Variants in STIM1 observed in about 807,000 individuals in gnomAD.
STIM1 encodes the protein stromal interaction molecule 1.
Under a neutral mutation model 74.7 loss-of-function variants are expected in STIM1, and 25 were observed. That is an observed-to-expected ratio of 0.33 (90% CI 0.24 to 0.47). The LOEUF is 0.47. Among genes scored for constraint, STIM1 ranks in the 20% least tolerant of loss-of-function variants. The probability of loss-of-function intolerance (pLI) is 1.00; values close to 1 mark genes in which losing one functional copy is unlikely to be tolerated. For missense variants in STIM1, 728 were observed against 920.8 expected (o/e 0.79, Z 2.71); for synonymous variants, 328 against 348.8 (o/e 0.94, Z 0.66).
At chr11:4,021,090 T>C (rs2093951675) in intron 2 of STIM1, among the ~76,000 whole-genome samples, 1 of 152,184 alleles carries the variant, frequency 6.6e-6, no homozygotes, top group Admixed American at 6.6e-5. Flanking sequence ...TTCCATTTTA[T>C]TTTGATTTAA....
At chr11:3,965,334 A>G (rs1410713280) in intron 1 of STIM1, among the ~76,000 whole-genome samples, 1 of 152,218 alleles carries the variant, frequency 6.6e-6, no homozygotes, top group African/African-American at 2.4e-5. Flanking sequence ...CTATCATGGC[A>G]CTTAGCACAT....
intron 2 of STIM1, among the ~76,000 whole-genome samples, chr11:3,981,779 G>A (rs1033942970): frequency 1.3e-5 from 2 of 152,150 alleles, no homozygotes; most frequent in African/African-American, 2.4e-5. Flanking sequence ...CTGGATGGAG[G>A]TAAGATTACT....
At chr11:3,960,265 G>T (rs1035877857) in intron 1 of STIM1, among the ~76,000 whole-genome samples, 1 of 152,102 alleles carries the variant, frequency 6.6e-6, no homozygotes, top group Admixed American at 6.5e-5. Flanking sequence ...TGCATCTTCT[G>T]CTTTAAGGAA....
chr11:3,903,909 C>T (rs2092407950), intron 1 of STIM1, among the ~76,000 whole-genome samples: 1 of 152,014 alleles, frequency 6.6e-6, no homozygotes, highest in Admixed American at 6.6e-5. Context: ...AGAAAATGTC[C>T]TGGGAAAGGC....
At chr11:4,013,394 T>C (rs1036563467) in intron 2 of STIM1, among the ~76,000 whole-genome samples, 1 of 152,252 alleles carries the variant, frequency 6.6e-6, no homozygotes, top group African/African-American at 2.4e-5. Context: ...ATTGCCTCAA[T>C]TTCAGAACCT....
At chr11:3,916,267 G>A (rs907759010) in intron 1 of STIM1, among the ~76,000 whole-genome samples, 9 of 150,986 alleles carry the variant, frequency 6.0e-5, no homozygotes, top group Admixed American at 2.6e-4. Flanking sequence ...CCTTGAATGT[G>A]TGCCAATCCA....
At chr11:3,995,084 ATT>A (rs35397348) in intron 2 of STIM1, among the ~76,000 whole-genome samples, 114,950 of 150,008 alleles carry the variant, frequency 0.77, 44,944 homozygotes, top group South Asian at 0.9. Context: ...AAAAATCATG[ATT>A]TTTTTTTTTT....
chr11:4,043,774 T>C (rs753905192), intron 3 of STIM1, among the ~76,000 whole-genome samples: 16 of 151,984 alleles, frequency 1.1e-4, no homozygotes, highest in Non-Finnish European at 1.6e-4. Context: ...CCCAGCACTT[T>C]GGGAGGCCAA....
chr11:3,971,397 C>T (rs1396756181), intron 2 of STIM1, among the ~76,000 whole-genome samples: 6 of 152,020 alleles, frequency 3.9e-5, no homozygotes, highest in Non-Finnish European at 8.8e-5. Flanking sequence ...GGCGTGGTGG[C>T]GGGCGCCTGT....
chr11:3,894,099 G>C (rs2091982730), intron 1 of STIM1, among the ~76,000 whole-genome samples: 1 of 152,046 alleles, frequency 6.6e-6, no homozygotes, highest in Admixed American at 6.6e-5. Context: ...TGAAAAAGAG[G>C]GTTCCATTGT....
intron 1 of STIM1, among the ~76,000 whole-genome samples, chr11:3,878,515 A>G (rs762698334): frequency 3.1e-4 from 47 of 152,120 alleles, no homozygotes; most frequent in Admixed American, 2.7e-3. Context: ...CAAATGAGGA[A>G]ACTGGGAATT....
At chr11:4,031,524 G>T (rs907924349) in intron 3 of STIM1, among the ~76,000 whole-genome samples, 39 of 152,238 alleles carry the variant, frequency 2.6e-4, no homozygotes, top group African/African-American at 7.7e-4. Flanking sequence ...GACATTTTCA[G>T]TTCTTCCATA....
At chr11:4,025,881 T>G (rs2136027370) in intron 3 of STIM1, among the ~76,000 whole-genome samples, 1 of 152,058 alleles carries the variant, frequency 6.6e-6, no homozygotes. Context: ...TAACCATGAG[T>G]GGAGAAAAGC....
chr11:4,017,535 C>T (rs369966846), intron 2 of STIM1, among the ~76,000 whole-genome samples: 2 of 152,268 alleles, frequency 1.3e-5, no homozygotes, highest in South Asian at 2.1e-4. Flanking sequence ...TTCCTATAAG[C>T]AGCTGGTATC....
chr11:4,003,926 A>G lies in STIM1; in HGVS notation c.271-19947A>G, dbSNP rs551898406. On this transcript the variant is annotated intron_variant, in intron 2 of 12. Transcript: ENST00000526596. ...AAAAAATCAATGTACAAAAATCACA[A>G]GCATTCTTATACACCAATAACAGAC... is the stretch of plus-strand genomic sequence containing the variant. 2.0e-5 allele frequency among the ~76,000 whole-genome samples: 3 copies of G among 152,344 alleles called. No homozygotes were observed. The East Asian group carries it at 5.8e-4, about 29-fold the overall frequency.
chr11:3,866,990 A>C (rs1348892150), intron 1 of STIM1: 1 of 152,146 alleles, frequency 6.6e-6, no homozygotes, highest in East Asian at 1.9e-4. Context: ...TGCTGGTCAG[A>C]GAGTATGTGC....
chr11:4,070,919 A>G (rs78171406), intron 6 of STIM1, among the ~76,000 whole-genome samples: 13 of 109,702 alleles, frequency 1.2e-4, no homozygotes, highest in East Asian at 5.5e-4. Context: ...TGGTCCTGAG[A>G]AAAAAAACTT....
rs748912734 is a variant in STIM1 at position 4,082,892 on chromosome 11, T to C, written c.1148T>C (p.Ile383Thr). The change falls in exon 9 of 13, where the codon ATA (isoleucine) becomes ACA (threonine). Residue 383 changes from isoleucine (I) to threonine (T), a missense_variant. Around this residue, in one of 5 missense-constraint regions of STIM1, gnomAD observed 131 missense variants for 235.9 expected, o/e 0.56. Coordinates refer to ENST00000526596, the MANE Select transcript of STIM1 (RefSeq NM_001382567.1). ...GCCTCATCTTTGCAGGCTGAGAAGA[T>C]AAAAAAGAAGAGAAACACACTCTTT... ...LLVAKEGAEK[I>T]KKKRNTLFGT... The C allele has an allele frequency of 1.9e-6, 3 of 1,613,950 alleles. No individual in the cohort carries two copies. The highest frequency in any genetic ancestry group is 2.5e-6 in the Non-Finnish European group (3 of 1,179,908).
rs572988143 is a variant in STIM1, at chr11:4,016,835, T to C, written c.271-7038T>C. On this transcript the variant is annotated intron_variant, in intron 2 of 12. Transcript: ENST00000526596. ...CCGGGTCGATCTCAGACTGCTGTGCTAGCAGCAAGGAAGGCTCTGTGTGTG... is the reference window on the plus strand; with the variant it reads ...CCGGGTCGATCTCAGACTGCTGTGCCAGCAGCAAGGAAGGCTCTGTGTGTG... 1.3e-4 allele frequency among the ~76,000 whole-genome samples: 20 copies of C among 152,302 alleles called. No homozygotes were observed. In the South Asian group the frequency reaches 4.1e-3, roughly 32 times the overall value.
Sources: allele counts gnomAD v4.1 joint callset (sites outside exome capture counted in the v4.1 genomes callset), GRCh38; gene constraint gnomAD v4.1.1; regional missense constraint gnomAD v4.1.1; transcripts MANE v1.5; gene names NCBI Gene and HGNC (gene_info 2026-07-23, HGNC 2026-07-21).